The following CUL2 variants were observed in gnomAD, a reference collection of about 807,000 sequenced individuals.
The protein encoded by CUL2 is cullin 2, also known as cullin-2.
A neutral mutation model predicts 110.2 loss-of-function variants in CUL2; 22 were observed. The observed-to-expected ratio is 0.20, with a 90% CI of 0.14 to 0.28. The LOEUF (loss-of-function observed/expected upper bound fraction) is 0.28. Among genes scored for constraint, CUL2 ranks in the 10% least tolerant of loss-of-function variants. The pLI is 1.00. For synonymous variants in CUL2, 279 were observed against 293.2 expected (o/e 0.95, Z 0.49); for missense variants, 631 against 905.5 (o/e 0.70, Z 3.89).
At chr10:35,018,283 T>A (rs1378871501) in intron 17 of CUL2, among the ~76,000 whole-genome samples, 7 of 48,786 alleles carry the variant, frequency 1.4e-4, no homozygotes, top group South Asian at 1.2e-3. Flanking sequence ...CAAGACTCCA[T>A]CTCACAAAAA....
rs1456169899 is a variant in CUL2, at chr10:35,044,622, T to C, written c.658A>G (p.Lys220Glu). Reference sequence around the variant, plus strand: ...TGTAATAAATTTGAAGCTTCTTGTTTGTAATACTCTCCTGTTTCAGTCAGA... The same window carrying C: ...TGTAATAAATTTGAAGCTTCTTGTTCGTAATACTCTCCTGTTTCAGTCAGA... The part of the protein sequence containing the change: ...PFLTETGEYY[K>E]QEASNLLQES... The change falls in exon 8 of 21, where the codon AAA (lysine) becomes GAA (glutamate). Residue 220 changes from lysine (K) to glutamate (E), a missense_variant. Physicochemically the swap from Lys to Glu is moderately conservative, Grantham distance 56 (BLOSUM62 1). Transcript: ENST00000374749. The C allele has an allele frequency of 6.2e-7, 1 of 1,611,130 alleles. No homozygotes were observed.
intron 4 of CUL2, among the ~76,000 whole-genome samples, chr10:35,055,698 T>C (rs2086224665): frequency 6.6e-6 from 1 of 152,240 alleles, no homozygotes; most frequent in Non-Finnish European, 1.5e-5. Flanking sequence ...ATGTACCATT[T>C]GATATTTTAG....
intron 10 of CUL2, 112 bp downstream of exon 10, chr10:35,035,060 C>T (rs879061216): frequency 1.8e-5 from 22 of 1,243,218 alleles, no homozygotes; most frequent in South Asian, 2.8e-5. Flanking sequence ...ACATTTCTTT[C>T]GTTGGCATGG....
At chr10:35,025,290 T>A in intron 16 of CUL2, 92 bp from the exon 17 acceptor site, 2 of 1,416,784 alleles carry the variant, frequency 1.4e-6, no homozygotes, top group Non-Finnish European at 1.8e-6. Context: ...TGAAAACCAT[T>A]CATATTAGAA....
chr10:35,087,824 ATTCTCAATCAGACCTC>A, intron 1 of CUL2, among the ~76,000 whole-genome samples: 1 of 152,148 alleles, frequency 6.6e-6, no homozygotes, highest in Non-Finnish European at 1.5e-5. Flanking sequence ...CAACAGTCTG[ATTCTCAATCAGACCTC>A]TCAGTTTAGA....
At position 35,107,868 on chromosome 10, in the gene CUL2, C is replaced by T. The variant is rs374136217; in HGVS notation, c.-50-6808G>A. On this transcript the variant is annotated intron_variant, in intron 1 of 5. Coordinates refer to the CUL2 transcript ENST00000685421. ...CTGCACTCCAGCCTGGGCAACAGAG[C>T]GAGACTCCATCTCAAAAAAAAAAAA... is the stretch of plus-strand genomic sequence containing the variant. Among the ~76,000 whole-genome samples the T allele has an allele frequency of 7.8e-3, 801 of 102,668 alleles. 12 individuals carry two copies. Among genetic ancestry groups the T allele is most frequent in the African/African-American group, 0.03 (752 of 25,220 alleles). The allele number at this position is 102,668 out of a possible 152,430, so 67.4% of individuals were successfully genotyped here.
At chr10:35,122,701 A>G (rs551446682) in intron 1 of CUL2, among the ~76,000 whole-genome samples, 24 of 152,186 alleles carry the variant, frequency 1.6e-4, no homozygotes, top group Admixed American at 1.2e-3. Flanking sequence ...GCAGTGGCAC[A>G]ATCTTGGCTC....
intron 9 of CUL2, 118 bp downstream of exon 9, chr10:35,038,802 G>A (rs2085700399): frequency 5.1e-6 from 3 of 592,678 alleles, no homozygotes; most frequent in Non-Finnish European, 8.3e-6. Context: ...TCTGTAAAAG[G>A]TTATTTAAAA....
At chr10:35,108,589 T>C (rs1730779181) in intron 1 of CUL2, among the ~76,000 whole-genome samples, 1 of 152,210 alleles carries the variant, frequency 6.6e-6, no homozygotes, top group African/African-American at 2.4e-5. Context: ...AGGAGGAAGT[T>C]ATCAAAGATA....
intron 4 of CUL2, 105 bp from the exon 5 acceptor site, chr10:35,054,644 G>A: frequency 1.8e-6 from 1 of 555,388 alleles, no homozygotes; most frequent in African/African-American, 1.9e-5. Flanking sequence ...ATAAGCCATG[G>A]AATAGCCTAC....
chr10:35,029,395 G>T, intron 15 of CUL2, 93 bp downstream of exon 15: 1 of 935,636 alleles, frequency 1.1e-6, no homozygotes, highest in Non-Finnish European at 1.5e-6. Context: ...TCTACTCACA[G>T]AACCAAACGT....
At position 35,032,507 on chromosome 10, in the gene CUL2, A is replaced by G; in HGVS notation, c.1111-13T>C. 6.3e-7 allele frequency: 1 copy of G among 1,580,578 alleles called. No individual in the cohort carries two copies. Among genetic ancestry groups the G allele is most frequent in the Admixed American group, 2.0e-5 (1 of 50,722 alleles). ...CTGACGTAAGGGCCTGAATAAAAAAACACGCCATAATTAACCACCAGCCAT... is the reference window on the plus strand; with the variant it reads ...CTGACGTAAGGGCCTGAATAAAAAAGCACGCCATAATTAACCACCAGCCAT... On this transcript the variant is annotated splice_polypyrimidine_tract_variant and intron_variant, in intron 11 of 20. Coordinates refer to ENST00000374749, the MANE Select transcript of CUL2 (RefSeq NM_003591.4).
chr10:35,077,325 AC>A (rs1317410529), intron 1 of CUL2, among the ~76,000 whole-genome samples: 4 of 144,138 alleles, frequency 2.8e-5, no homozygotes, highest in Non-Finnish European at 4.7e-5. Context: ...AAACAAACAA[AC>A]AAACAAAAAA....
chr10:35,085,696 C>CAAAAAAAAAAAA (rs1263412257), intron 1 of CUL2, among the ~76,000 whole-genome samples: 1 of 55,786 alleles, frequency 1.8e-5, no homozygotes, highest in Non-Finnish European at 4.0e-5. Flanking sequence ...GACTCTGTCT[C>CAAAAAAAAAAAA]AAAAAAAAAA....
intron 1 of CUL2, among the ~76,000 whole-genome samples, chr10:35,111,254 AG>A (rs1213970881): frequency 8.6e-5 from 13 of 151,588 alleles, no homozygotes; most frequent in South Asian, 8.4e-4. Flanking sequence ...TCTTATGAGA[AG>A]ATTTTTTTTT....
intron 9 of CUL2, among the ~76,000 whole-genome samples, chr10:35,037,532 C>G (rs376477780): frequency 6.6e-6 from 1 of 152,150 alleles, no homozygotes; most frequent in Admixed American, 6.6e-5. Context: ...TGCCCTGGAT[C>G]TATGAAATTA....
At chr10:35,063,190 ACTGTTGTAT>A (rs1341332024) in intron 2 of CUL2, 128 bp from the exon 3 acceptor site, 4 of 574,886 alleles carry the variant, frequency 7.0e-6, no homozygotes, top group Non-Finnish European at 6.1e-6. Context: ...TATACATAAT[ACTGTTGTAT>A]ATATGACAAG....
intron 16 of CUL2, among the ~76,000 whole-genome samples, chr10:35,026,665 C>A (rs1165193358): frequency 6.6e-6 from 1 of 152,090 alleles, no homozygotes; most frequent in Non-Finnish European, 1.5e-5. Context: ...CAAAGACTCT[C>A]GTATCTATAG....
chr10:35,087,928 C>A (rs1168812171), intron 1 of CUL2, among the ~76,000 whole-genome samples: 4 of 152,174 alleles, frequency 2.6e-5, no homozygotes, highest in African/African-American at 7.2e-5. Flanking sequence ...CACCTTTAAT[C>A]TCTTACTAGG....
Sources: gnomAD v4.1 joint callset for allele counts (sites outside exome capture counted in the v4.1 genomes callset) on GRCh38, gnomAD v4.1.1 for gene constraint, MANE v1.5 for transcripts, NCBI Gene and HGNC (gene_info 2026-07-23, HGNC 2026-07-21) for gene names.